The following GPM6A variants were observed in gnomAD, a reference collection of about 807,000 sequenced individuals.
The protein encoded by GPM6A is neuronal membrane glycoprotein M6-a.
Under a neutral mutation model 32.1 loss-of-function variants are expected in GPM6A, and 7 were observed. That is an observed-to-expected ratio of 0.22 (90% confidence interval 0.12 to 0.41). GPM6A has a LOEUF of 0.41. Ranked by LOEUF, GPM6A falls within the 10% of genes least tolerant of loss-of-function variation. GPM6A has a pLI of 1.00. For synonymous variants in GPM6A, 130 were observed against 123.4 expected (o/e 1.05, Z -0.35); for missense variants, 235 against 347.2 (o/e 0.68, Z 2.57).
At chr4:175,991,892 T>C (rs1324294877) in intron 1 of GPM6A, among the ~76,000 whole-genome samples, 4 of 152,150 alleles carry the variant, frequency 2.6e-5, no homozygotes, top group African/African-American at 9.7e-5. Flanking sequence ...GCAAACATCA[T>C]TTCTAGAACT....
At chr4:175,988,882 T>C (rs535241512) in intron 1 of GPM6A, among the ~76,000 whole-genome samples, 5 of 152,122 alleles carry the variant, frequency 3.3e-5, no homozygotes, top group Non-Finnish European at 7.4e-5. Flanking sequence ...AGAGTAGATT[T>C]TTTTCATACT....
At chr4:175,697,307 T>A (rs1251050350) in intron 2 of GPM6A, among the ~76,000 whole-genome samples, 1 of 152,174 alleles carries the variant, frequency 6.6e-6, no homozygotes, top group Non-Finnish European at 1.5e-5. Flanking sequence ...GCAAAATACC[T>A]ACCCTACTTC....
At chr4:175,992,749 C>T (rs780085858) in intron 1 of GPM6A, among the ~76,000 whole-genome samples, 1 of 151,952 alleles carries the variant, frequency 6.6e-6, no homozygotes, top group Non-Finnish European at 1.5e-5. Context: ...TAAATAGTCT[C>T]TATAAATAAA....
At chr4:175,829,251 T>G (rs141307187) in intron 1 of GPM6A, among the ~76,000 whole-genome samples, 533 of 152,318 alleles carry the variant, frequency 3.5e-3, no homozygotes, top group Non-Finnish European at 5.9e-3. Flanking sequence ...AAACTTTTTG[T>G]ACATCTAAAA....
At position 175,805,348 on chromosome 4, in the gene GPM6A, T is replaced by C. The variant is rs181068023; in HGVS notation, c.37+6843A>G. Among the ~76,000 whole-genome samples, 3 of 152,306 alleles carry C rather than the reference T, an allele frequency of 2.0e-5. No homozygotes were observed. In the East Asian group the frequency reaches 5.8e-4, roughly 29 times the overall value. ...TAATGGGGAATATTAATTGCAACCA[T>C]AAAAATGTAGAAAATAGTTTCCCAG... On this transcript the variant is annotated intron_variant, in intron 1 of 6. Coordinates refer to ENST00000393658, the MANE Select transcript of GPM6A (RefSeq NM_201591.3).
At chr4:175,968,548 C>T (rs1740400236) in intron 1 of GPM6A, among the ~76,000 whole-genome samples, 1 of 152,000 alleles carries the variant, frequency 6.6e-6, no homozygotes, top group Admixed American at 6.6e-5. Context: ...GACTGGCATC[C>T]AAAATATATC....
At chr4:175,910,653 C>G (rs1052068264) in intron 1 of GPM6A, among the ~76,000 whole-genome samples, 1 of 152,180 alleles carries the variant, frequency 6.6e-6, no homozygotes, top group South Asian at 2.1e-4. Flanking sequence ...CTCCCATAAT[C>G]AGGATGATTG....
At chr4:175,932,544 A>G (rs963004990) in intron 1 of GPM6A, among the ~76,000 whole-genome samples, 1 of 152,230 alleles carries the variant, frequency 6.6e-6, no homozygotes. Flanking sequence ...CTATACAAAC[A>G]AATTAAGACA....
intron 2 of GPM6A, among the ~76,000 whole-genome samples, chr4:175,689,652 A>C (rs945635372): frequency 1.3e-5 from 2 of 152,158 alleles, no homozygotes; most frequent in Non-Finnish European, 2.9e-5. Context: ...GGTGTAATTC[A>C]AGTCTCTGTT....
chr4:175,670,536 G>A (rs927509722), intron 3 of GPM6A, among the ~76,000 whole-genome samples: 1 of 152,150 alleles, frequency 6.6e-6, no homozygotes, highest in Non-Finnish European at 1.5e-5. Flanking sequence ...TCAATAACAT[G>A]TATTTGTACT....
chr4:175,714,118 T>C (rs1745703485), intron 1 of GPM6A, among the ~76,000 whole-genome samples: 1 of 152,174 alleles, frequency 6.6e-6, no homozygotes, highest in Non-Finnish European at 1.5e-5. Context: ...GAGAATCTTG[T>C]GGGTTTTTAT....
chr4:175,953,193 G>T (rs945156685), intron 1 of GPM6A, among the ~76,000 whole-genome samples: 1 of 151,988 alleles, frequency 6.6e-6, no homozygotes, highest in African/African-American at 2.4e-5. Context: ...GAAATCAAAG[G>T]GCAGGGAAAT....
chr4:175,790,065 T>G (rs763625288), intron 1 of GPM6A, among the ~76,000 whole-genome samples: 1 of 152,202 alleles, frequency 6.6e-6, no homozygotes, highest in Non-Finnish European at 1.5e-5. Context: ...CTAAGTGAAT[T>G]TTTAAATATC....
At chr4:175,881,290 T>C (rs1214236055) in intron 1 of GPM6A, among the ~76,000 whole-genome samples, 1 of 152,122 alleles carries the variant, frequency 6.6e-6, no homozygotes, top group Admixed American at 6.5e-5. Context: ...AAAACCACAG[T>C]GAGATATCAT....
chr4:175,835,481 A>G lies in GPM6A; in HGVS notation c.-22-23232T>C, dbSNP rs1285349146. On this transcript the variant is annotated intron_variant, in intron 1 of 7. Transcript: ENST00000280187. ...TGAACCAGAAAATCTGGAGGATGAA[A>G]TACAAAAATATATTTAAAATTAAAA... Among the ~76,000 whole-genome samples the G allele has an allele frequency of 5.9e-5, 9 of 151,932 alleles. No individual in the cohort carries two copies. In the South Asian group the frequency reaches 1.9e-3, roughly 32 times the overall value.
intron 1 of GPM6A, among the ~76,000 whole-genome samples, chr4:175,931,709 C>CACACACACACAT (rs1324269132): frequency 7.0e-5 from 9 of 129,298 alleles, no homozygotes; most frequent in African/African-American, 2.6e-4. Flanking sequence ...CACACACACA[C>CACACACACACAT]ATATATATAT....
intron 1 of GPM6A, among the ~76,000 whole-genome samples, chr4:175,820,124 C>T (rs931331005): frequency 1.3e-5 from 2 of 152,156 alleles, no homozygotes; most frequent in African/African-American, 2.4e-5. Flanking sequence ...ACTCAGTGGA[C>T]GTATCTCTGA....
At chr4:175,686,098 C>A (rs1298634367) in intron 2 of GPM6A, among the ~76,000 whole-genome samples, 1 of 152,180 alleles carries the variant, frequency 6.6e-6, no homozygotes, top group African/African-American at 2.4e-5. Context: ...AGTAAAACTA[C>A]ACAGGCAGGC....
chr4:175,975,554 C>T (rs1168632819), intron 1 of GPM6A, among the ~76,000 whole-genome samples: 1 of 152,150 alleles, frequency 6.6e-6, no homozygotes, highest in Non-Finnish European at 1.5e-5. Flanking sequence ...CACAAAACAA[C>T]CAAAAAATCC....
Sources: allele counts gnomAD v4.1 joint callset (sites outside exome capture counted in the v4.1 genomes callset), GRCh38; gene constraint gnomAD v4.1.1; transcripts MANE v1.5; gene names NCBI Gene and HGNC (gene_info 2026-07-23, HGNC 2026-07-21).